INTS9: variants seen among roughly 807,000 people sequenced by gnomAD.
INTS9 encodes the protein integrator complex subunit 9.
In INTS9, 55 loss-of-function variants were observed where a neutral mutation model predicts 79.7. The observed-to-expected ratio is 0.69, with a 90% CI of 0.56 to 0.86. The LOEUF is 0.86. Ranked by LOEUF, INTS9 falls within the 40% of genes least tolerant of loss-of-function variation. The pLI, the probability that INTS9 is intolerant of heterozygous loss-of-function variation, is 0.00. For synonymous variants in INTS9, 319 were observed against 325.2 expected (o/e 0.98, Z 0.20); for missense variants, 721 against 831.5 (o/e 0.87, Z 1.64).
At chr8:28,837,556 G>C (rs1224459824) in intron 5 of INTS9, 81 bp downstream of exon 5, 1 of 1,457,672 alleles carries the variant, frequency 6.9e-7, no homozygotes, top group Non-Finnish European at 9.3e-7. Flanking sequence ...CACCAGCCCT[G>C]GTATAATACT....
intron 16 of INTS9, among the ~76,000 whole-genome samples, chr8:28,768,677 A>T (rs146525133): frequency 6.6e-6 from 1 of 152,344 alleles, no homozygotes; most frequent in East Asian, 1.9e-4. Flanking sequence ...GCTCCCAGGA[A>T]AATGCCAGGT....
intron 8 of INTS9, among the ~76,000 whole-genome samples, chr8:28,811,959 T>C (rs1415108613): frequency 6.6e-6 from 1 of 152,226 alleles, no homozygotes; most frequent in Non-Finnish European, 1.5e-5. Flanking sequence ...GCTTTGCCCG[T>C]TGGTCACCAC....
At chr8:28,831,514 C>T (rs974159468) in intron 6 of INTS9, among the ~76,000 whole-genome samples, 7 of 152,162 alleles carry the variant, frequency 4.6e-5, no homozygotes, top group African/African-American at 1.7e-4. Context: ...ACCTTTCAGG[C>T]CCCTCCCTAG....
chr8:28,841,610 G>A (rs1054005217), intron 4 of INTS9, among the ~76,000 whole-genome samples: 1 of 151,974 alleles, frequency 6.6e-6, no homozygotes, highest in Admixed American at 6.5e-5. Context: ...ACCAACACAG[G>A]GGTCAGGGGT....
At chr8:28,822,269 T>G (rs768134570) in intron 6 of INTS9, among the ~76,000 whole-genome samples, 5 of 151,806 alleles carry the variant, frequency 3.3e-5, no homozygotes, top group African/African-American at 4.8e-5. Context: ...ATAGCAAGAG[T>G]TGCAGAAAGA....
chr8:28,843,528 A>G (rs1807318965), intron 4 of INTS9, among the ~76,000 whole-genome samples: 1 of 152,360 alleles, frequency 6.6e-6, no homozygotes, highest in Middle Eastern at 3.4e-3. Context: ...TTGCTTTGTC[A>G]TATAGTGATT....
intron 7 of INTS9, 145 bp from the exon 8 acceptor site, chr8:28,812,606 C>T: frequency 1.1e-6 from 1 of 889,420 alleles, no homozygotes; most frequent in Non-Finnish European, 1.7e-6. Flanking sequence ...TGCAATGGCT[C>T]ACGCCTGTAA....
At chr8:28,849,008 T>C (rs1467745981) in intron 3 of INTS9, among the ~76,000 whole-genome samples, 1 of 152,200 alleles carries the variant, frequency 6.6e-6, no homozygotes, top group Admixed American at 6.5e-5. Flanking sequence ...GAAGAAAATC[T>C]GGTGTCAAAT....
At chr8:28,883,931 C>G (rs1394038490) in intron 1 of INTS9, among the ~76,000 whole-genome samples, 2 of 152,118 alleles carry the variant, frequency 1.3e-5, no homozygotes, top group South Asian at 4.2e-4. Context: ...CAACCTGGGC[C>G]CTTGTGAACT....
At chr8:28,851,859 T>C (rs1189389591) in intron 2 of INTS9, among the ~76,000 whole-genome samples, 10 of 152,186 alleles carry the variant, frequency 6.6e-5, no homozygotes, top group Non-Finnish European at 8.8e-5. Context: ...TTATCTAGAT[T>C]AACTGTTTAC....
At chr8:28,778,949 C>T (rs997947854) in intron 12 of INTS9, among the ~76,000 whole-genome samples, 1 of 152,210 alleles carries the variant, frequency 6.6e-6, no homozygotes, top group South Asian at 2.1e-4. Flanking sequence ...CTCTCCCAGA[C>T]ACAACTTCTG....
chr8:28,813,921 C>T (rs773043831), intron 6 of INTS9, among the ~76,000 whole-genome samples: 4 of 151,820 alleles, frequency 2.6e-5, no homozygotes, highest in South Asian at 2.1e-4. Context: ...CCACCATGCC[C>T]GGCTAATTTT....
chr8:28,878,181 A>G (rs903917326), intron 1 of INTS9, among the ~76,000 whole-genome samples: 6 of 152,230 alleles, frequency 3.9e-5, no homozygotes, highest in African/African-American at 1.4e-4. Flanking sequence ...TTTGTAAAAA[A>G]TAAAATAGGG....
intron 2 of INTS9, among the ~76,000 whole-genome samples, chr8:28,856,657 G>T (rs1478878022): frequency 1.3e-5 from 2 of 152,166 alleles, no homozygotes; most frequent in Admixed American, 1.3e-4. Context: ...ACTAACTAAA[G>T]ATACACATTT....
At chr8:28,844,769 T>C (rs1807405644) in intron 4 of INTS9, among the ~76,000 whole-genome samples, 1 of 152,132 alleles carries the variant, frequency 6.6e-6, no homozygotes, top group African/African-American at 2.4e-5. Flanking sequence ...TGAGCCAAGA[T>C]GGCACCACTG....
intron 14 of INTS9, among the ~76,000 whole-genome samples, chr8:28,774,111 C>A (rs115732838): frequency 1.3e-5 from 2 of 152,122 alleles, no homozygotes; most frequent in East Asian, 1.9e-4. Context: ...CCATGCCTGG[C>A]TGAAATATCT....
chr8:28,781,120 A>G, intron 11 of INTS9, 126 bp from the exon 12 acceptor site: 1 of 695,180 alleles, frequency 1.4e-6, no homozygotes, highest in Non-Finnish European at 2.4e-6. Context: ...ACGGATTGGG[A>G]GAAAATACCT....
intron 5 of INTS9, among the ~76,000 whole-genome samples, chr8:28,836,548 C>T (rs964466588): frequency 6.6e-6 from 1 of 152,076 alleles, no homozygotes; most frequent in Non-Finnish European, 1.5e-5. Context: ...TTTATTTTGG[C>T]CTAATACCAT....
chr8:28,888,269 G>A (rs147542852), intron 1 of INTS9, among the ~76,000 whole-genome samples: 39 of 152,180 alleles, frequency 2.6e-4, no homozygotes, highest in Non-Finnish European at 4.3e-4. Flanking sequence ...TTATAATTTC[G>A]GACCAGGCAT....
Sources: gnomAD v4.1 joint callset for allele counts (sites outside exome capture counted in the v4.1 genomes callset) on GRCh38, gnomAD v4.1.1 for gene constraint, MANE v1.5 for transcripts, NCBI Gene and HGNC (gene_info 2026-07-23, HGNC 2026-07-21) for gene names.